Variants in EYS observed in about 807,000 individuals in gnomAD.
EYS encodes protein eyes shut homolog.
Under a neutral mutation model 282.1 loss-of-function variants are expected in EYS, and 250 were observed. The ratio of observed to expected loss-of-function variants is 0.89; its 90% CI spans 0.80 to 0.98. The LOEUF (loss-of-function observed/expected upper bound fraction) is 0.98. Ranked by LOEUF, EYS falls within the 50% of genes least tolerant of loss-of-function variation. The pLI, the probability that EYS is intolerant of heterozygous loss-of-function variation, is 0.00. For missense variants in EYS, 4,016 were observed against 3,709.0 expected (o/e 1.08, Z -2.15); for synonymous variants, 1,355 against 1,282.9 (o/e 1.06, Z -1.20).
At chr6:65,471,229 CAAAAAAA>C (rs527251318) in intron 5 of EYS, among the ~76,000 whole-genome samples, 47 of 96,722 alleles carry the variant, frequency 4.9e-4, no homozygotes, top group African/African-American at 1.5e-3. Flanking sequence ...CTCATCTTTA[CAAAAAAA>C]AAAAAAAAAA....
intron 12 of EYS, among the ~76,000 whole-genome samples, chr6:65,179,741 G>A (rs960580061): frequency 1.1e-4 from 16 of 151,998 alleles, no homozygotes; most frequent in Admixed American, 3.3e-4. Flanking sequence ...AAGCCTGGCA[G>A]AGACACAACA....
rs913431996 is a variant in EYS, at chr6:65,473,445, A to G, written c.862+17149T>C. Reference sequence around the variant, plus strand: ...ATGTATTGGCAGTAGTGCTGAGACTAGAGGCCACTGTATTTTTAAAGCTAT... The same window carrying G: ...ATGTATTGGCAGTAGTGCTGAGACTGGAGGCCACTGTATTTTTAAAGCTAT... On this transcript the variant is annotated intron_variant, in intron 5 of 42. Coordinates refer to ENST00000503581, the MANE Select transcript of EYS (RefSeq NM_001142800.2). Among the ~76,000 whole-genome samples, 6 of 151,972 alleles carry G rather than the reference A, an allele frequency of 3.9e-5. No individual in the cohort carries two copies. The East Asian group carries it at 1.2e-3, about 29-fold the overall frequency.
chr6:63,949,907 C>G (rs991686379), intron 35 of EYS, among the ~76,000 whole-genome samples: 13 of 152,162 alleles, frequency 8.5e-5, no homozygotes, highest in Non-Finnish European at 1.9e-4. Flanking sequence ...GGCGCGGTGT[C>G]TCACGCCTGT....
rs1462117937 is a variant in EYS, at chr6:63,726,697, A to G, written c.8072-17T>C. 7 of 1,546,656 alleles carry G rather than the reference A, an allele frequency of 4.5e-6. No homozygotes were observed. In the African/African-American group the frequency reaches 9.6e-5, roughly 21 times the overall value. On this transcript the variant is annotated splice_polypyrimidine_tract_variant and intron_variant, in intron 41 of 42. Transcript: ENST00000503581. ...TGGATAAAGCTGAGGGAAGGAGAGA[A>G]AGAGAACTCTGGGAGTTATCTGCTG...
At chr6:65,111,971 T>C (rs1291612260) in intron 12 of EYS, among the ~76,000 whole-genome samples, 1 of 152,186 alleles carries the variant, frequency 6.6e-6, no homozygotes, top group African/African-American at 2.4e-5. Context: ...TGGAGCTTAT[T>C]TGCTCCAGTA....
rs558838827 is a variant in EYS at position 65,287,622 on chromosome 6, A to G, written c.2023+8241T>C. ...GTTTGGGAGAAACCAATTTAGAATT[A>G]AATCAGATTCTGAAAAAAAACGAAA... On this transcript the variant is annotated intron_variant, in intron 12 of 42. Coordinates refer to ENST00000503581, the MANE Select transcript of EYS (RefSeq NM_001142800.2). 4.6e-5 allele frequency among the ~76,000 whole-genome samples: 7 copies of G among 151,468 alleles called. No individual in the cohort carries two copies. In the South Asian group the frequency reaches 1.4e-3, roughly 31 times the overall value.
In EYS at chr6:64,989,879, G is replaced by A. The variant is rs1488512767; in HGVS notation, c.2259+7703C>T. 4.7e-5 allele frequency among the ~76,000 whole-genome samples: 7 copies of A among 149,690 alleles called. No homozygotes were observed. In the South Asian group the frequency reaches 1.5e-3, roughly 31 times the overall value. On this transcript the variant is annotated intron_variant, in intron 14 of 42. Coordinates refer to ENST00000503581, the MANE Select transcript of EYS (RefSeq NM_001142800.2). Reference sequence around the variant, plus strand: ...ACAGGTTTATTGTAGGAAGTAGCTGGTTTCAGCTCAAGAGCTTGATTTTAG... The same window carrying A: ...ACAGGTTTATTGTAGGAAGTAGCTGATTTCAGCTCAAGAGCTTGATTTTAG...
intron 31 of EYS, among the ~76,000 whole-genome samples, chr6:64,104,107 T>A (rs954616858): frequency 3.9e-5 from 6 of 152,058 alleles, no homozygotes; most frequent in Non-Finnish European, 1.5e-5. Context: ...CAGTAGGTGG[T>A]TTCAAATATG....
At chr6:65,142,046 G>A (rs1374284703) in intron 12 of EYS, among the ~76,000 whole-genome samples, 5 of 151,954 alleles carry the variant, frequency 3.3e-5, no homozygotes, top group Admixed American at 1.3e-4. Flanking sequence ...ATTAACTACA[G>A]TCCTCATGTT....
At chr6:64,457,094 A>C (rs1329747477) in intron 26 of EYS, among the ~76,000 whole-genome samples, 6 of 152,000 alleles carry the variant, frequency 3.9e-5, no homozygotes, top group Non-Finnish European at 7.4e-5. Flanking sequence ...TCTTAAGAAC[A>C]TTTTAAACTT....
chr6:65,584,945 AT>A (rs1764994624), intron 2 of EYS, among the ~76,000 whole-genome samples: 2 of 150,952 alleles, frequency 1.3e-5, no homozygotes, highest in Non-Finnish European at 3.0e-5. Context: ...AAACTTTGTG[AT>A]TTTATAATTT....
At chr6:64,454,438 T>A (rs535191548) in intron 26 of EYS, among the ~76,000 whole-genome samples, 1 of 152,148 alleles carries the variant, frequency 6.6e-6, no homozygotes, top group Non-Finnish European at 1.5e-5. Flanking sequence ...AAAAAGTCAT[T>A]AGAAATTAAT....
chr6:64,241,852 C>T lies in EYS; in HGVS notation c.6192-11028G>A, dbSNP rs772685689. Among the ~76,000 whole-genome samples the T allele has an allele frequency of 2.6e-5, 4 of 152,272 alleles. No individual in the cohort carries two copies. In the East Asian group the frequency reaches 5.8e-4, roughly 22 times the overall value. ...ATTTAGTGCTATAAATTTTCCTCTGCACACTGCTTTAAATGTGTTCCAGAG... is the reference window on the plus strand; with the variant it reads ...ATTTAGTGCTATAAATTTTCCTCTGTACACTGCTTTAAATGTGTTCCAGAG... On this transcript the variant is annotated intron_variant, in intron 30 of 42. Coordinates refer to ENST00000503581, the MANE Select transcript of EYS (RefSeq NM_001142800.2).
At chr6:64,717,981 T>C (rs1301383042) in intron 22 of EYS, among the ~76,000 whole-genome samples, 1 of 152,184 alleles carries the variant, frequency 6.6e-6, no homozygotes, top group South Asian at 2.1e-4. Flanking sequence ...GAGTGTATGT[T>C]TGTGTGTGTA....
intron 12 of EYS, among the ~76,000 whole-genome samples, chr6:65,062,936 T>C (rs555132868): frequency 5.9e-5 from 9 of 152,038 alleles, no homozygotes; most frequent in Non-Finnish European, 1.2e-4. Flanking sequence ...TTCCTCCCAC[T>C]TGAAAATTAG....
chr6:64,293,445 A>G (rs554398280), intron 30 of EYS, among the ~76,000 whole-genome samples: 46 of 152,220 alleles, frequency 3.0e-4, no homozygotes, highest in East Asian at 1.3e-3. Context: ...TGGTTTCTGT[A>G]TCATTTCCTT....
chr6:65,612,129 T>C (rs1766023130), intron 2 of EYS, among the ~76,000 whole-genome samples: 5 of 151,716 alleles, frequency 3.3e-5, no homozygotes, highest in African/African-American at 1.2e-4. Context: ...TTTAGACAGC[T>C]AACAGGATGT....
intron 26 of EYS, among the ~76,000 whole-genome samples, chr6:64,499,834 T>C (rs1185000740): frequency 6.6e-6 from 1 of 152,142 alleles, no homozygotes; most frequent in Admixed American, 6.5e-5. Flanking sequence ...TGAGATAATG[T>C]GCTATTTCTT....
intron 31 of EYS, among the ~76,000 whole-genome samples, chr6:64,197,122 G>A (rs1316969966): frequency 6.6e-6 from 1 of 151,992 alleles, no homozygotes; most frequent in Non-Finnish European, 1.5e-5. Flanking sequence ...AAAAGTTGTT[G>A]GCTTCAAATT....
Sources: gnomAD v4.1 joint callset for allele counts (sites outside exome capture counted in the v4.1 genomes callset) on GRCh38, gnomAD v4.1.1 for gene constraint, MANE v1.5 for transcripts, NCBI Gene and HGNC (gene_info 2026-07-23, HGNC 2026-07-21) for gene names.